The following ABCC6 variants were observed in gnomAD, a reference collection of about 807,000 sequenced individuals.
ABCC6 encodes the protein ATP-binding cassette sub-family C member 6.
ABCC6 carries 126 observed loss-of-function variants against 169.5 expected under a neutral mutation model. That is an observed-to-expected ratio of 0.74 (90% CI 0.64 to 0.86). The LOEUF (loss-of-function observed/expected upper bound fraction) is 0.86. Among genes scored for constraint, ABCC6 ranks in the 40% least tolerant of loss-of-function variants. The pLI is 0.00. For synonymous variants in ABCC6, 752 were observed against 814.7 expected, an observed-to-expected ratio of 0.92 and a Z score of 1.31; for missense variants, 1,733 against 1,927.2, an observed-to-expected ratio of 0.90 and a Z score of 1.89.
In ABCC6 at chr16:16,221,702, G is replaced by A; in HGVS notation, c.166C>T (p.His56Tyr). The A allele has an allele frequency of 6.2e-7, 1 of 1,613,896 alleles. No individual in the cohort carries two copies. The highest frequency in any genetic ancestry group is 8.5e-7 in the Non-Finnish European group (1 of 1,179,832). The change falls in exon 2 of 31, where the codon CAC becomes TAC. Residue 56 changes from histidine (H) to tyrosine (Y), a missense_variant. Transcript: ENST00000205557. ...VLGPIYLLFIHHHGRGYLRMS... is the reference protein window; with the variant it reads ...VLGPIYLLFIYHHGRGYLRMS... Reference sequence around the variant, plus strand: ...CGGAGGTAGCCCCGGCCATGGTGGTGGATGAAGAGGAGGTAGATGGGACCA... The same window carrying A: ...CGGAGGTAGCCCCGGCCATGGTGGTAGATGAAGAGGAGGTAGATGGGACCA...
At position 16,171,592 on chromosome 16, in the gene ABCC6, G is replaced by T. The variant is rs79291009; in HGVS notation, c.2787+1692C>A. Reference sequence around the variant, plus strand: ...TGGGTAGGTAGGTAGGTGTGTGAATGAGTGGATGAATGGATGGAAAGATCA... The same window carrying T: ...TGGGTAGGTAGGTAGGTGTGTGAATTAGTGGATGAATGGATGGAAAGATCA... On this transcript the variant is annotated intron_variant, in intron 21 of 30. Transcript: ENST00000205557. Among the ~76,000 whole-genome samples, 10 of 152,278 alleles carry T rather than the reference G, an allele frequency of 6.6e-5. No individual in the cohort carries two copies. In the East Asian group the frequency reaches 1.9e-3, roughly 29 times the overall value.
chr16:16,186,712 T>G (rs2047663642), intron 14 of ABCC6, among the ~76,000 whole-genome samples: 1 of 151,054 alleles, frequency 6.6e-6, no homozygotes, highest in Non-Finnish European at 1.5e-5. Context: ...AGTTGTATAA[T>G]TATTTCATTA....
chr16:16,206,997 A>G (rs1211471253), intron 7 of ABCC6, among the ~76,000 whole-genome samples: 2 of 152,202 alleles, frequency 1.3e-5, no homozygotes, highest in Non-Finnish European at 2.9e-5. Flanking sequence ...AAAATCAGCT[A>G]GATGTGGTGG....
intron 9 of ABCC6, among the ~76,000 whole-genome samples, chr16:16,198,691 A>G (rs2048135737): frequency 6.6e-6 from 1 of 150,876 alleles, no homozygotes; most frequent in South Asian, 2.1e-4. Context: ...TCTACAAAAT[A>G]CTTTAAAAAA....
chr16:16,178,328 A>G (rs1168817388), intron 18 of ABCC6, among the ~76,000 whole-genome samples: 1 of 151,094 alleles, frequency 6.6e-6, no homozygotes, highest in Admixed American at 6.6e-5. Flanking sequence ...CTCCATCTCA[A>G]AAAAAAAAGA....
At chr16:16,173,769 T>A (rs2047186095) in intron 20 of ABCC6, among the ~76,000 whole-genome samples, 1 of 150,960 alleles carries the variant, frequency 6.6e-6, no homozygotes, top group East Asian at 2.0e-4. Flanking sequence ...GCTCAAGCAA[T>A]CCACCTGCCT....
In ABCC6 at chr16:16,154,811, G is replaced by T; in HGVS notation, c.4042-17C>A. The T allele has an allele frequency of 6.2e-7, 1 of 1,609,080 alleles. No homozygotes were observed. Among genetic ancestry groups the T allele is most frequent in the South Asian group, 1.1e-5 (1 of 90,250 alleles). On this transcript the variant is annotated splice_polypyrimidine_tract_variant and intron_variant, in intron 28 of 30. Coordinates refer to ENST00000205557, the MANE Select transcript of ABCC6 (RefSeq NM_001171.6). ...GATGGGGTCCTGGCGGGGAGGGGCG[G>T]TGGGTCAGAGCCGGGTCCCACCATG...
At chr16:16,200,378 G>A (rs1009618119) in intron 9 of ABCC6, among the ~76,000 whole-genome samples, 9 of 150,464 alleles carry the variant, frequency 6.0e-5, no homozygotes, top group East Asian at 3.9e-4. Flanking sequence ...GTAGTGAGCC[G>A]GGACTGTGCC....
rs548522940 is a variant in ABCC6 at position 16,169,677 on chromosome 16, G to T, written c.2964C>A (p.Gly988=). The part of the protein sequence containing the change: ...GGQQTQAALR[G]GIFGLLGCLQ... The stretch of plus-strand genomic sequence containing the variant: ...GACAGCCGAGGAGCCCGAAGATCCC[G>T]CCACGCAGGGCTGCCTGCGTCTGCT... The change falls in exon 22 of 31, where the codon GGC becomes GGA. Residue 988 remains glycine (G), a synonymous_variant. Transcript: ENST00000205557. 6.1e-5 allele frequency: 98 copies of T among 1,611,136 alleles called. 2 individuals carry two copies. The South Asian group carries it at 1.0e-3, about 17-fold the overall frequency.
intron 29 of ABCC6, among the ~76,000 whole-genome samples, chr16:16,154,309 C>G (rs1348454872): frequency 6.6e-6 from 1 of 151,980 alleles, no homozygotes; most frequent in Non-Finnish European, 1.5e-5. Flanking sequence ...GGTGAGGTTA[C>G]CACCCGATAT....
At chr16:16,157,991 G>A (rs886342586) in intron 26 of ABCC6, among the ~76,000 whole-genome samples, 182 bp from the exon 27 acceptor site, 2 of 152,166 alleles carry the variant, frequency 1.3e-5, no homozygotes, top group Non-Finnish European at 2.9e-5. Flanking sequence ...AAAAACAGAT[G>A]GTGGTGGCTA....
chr16:16,209,698 G>A (rs934474008), intron 6 of ABCC6, among the ~76,000 whole-genome samples: 1 of 151,858 alleles, frequency 6.6e-6, no homozygotes. Flanking sequence ...CCGCCTCCCT[G>A]GCTCAAGCGA....
rs1596670914 is a variant in ABCC6, at chr16:16,187,345, C to G, written c.1780-134G>C. On this transcript the variant is annotated intron_variant, in intron 13 of 30. Coordinates refer to ENST00000205557, the MANE Select transcript of ABCC6 (RefSeq NM_001171.6). ...GTGCATAGGAGGCGTGAGGACAAAGCTTTCTAGTTCATGGGAAACGATGCA... is the reference window on the plus strand; with the variant it reads ...GTGCATAGGAGGCGTGAGGACAAAGGTTTCTAGTTCATGGGAAACGATGCA... 2.7e-5 allele frequency: 20 copies of G among 753,024 alleles called. No individual in the cohort carries two copies. In the East Asian group the frequency reaches 5.4e-4, roughly 20 times the overall value. The allele number at this position is 753,024 out of a possible 1,614,324, so 46.6% of individuals were successfully genotyped here.
At chr16:16,168,714 TGA>T (rs1185109635) in intron 22 of ABCC6, among the ~76,000 whole-genome samples, 1 of 151,992 alleles carries the variant, frequency 6.6e-6, no homozygotes, top group African/African-American at 2.4e-5. Flanking sequence ...TGCGAGAGAC[TGA>T]ACAGGGGATA....
rs199668617 is a variant in ABCC6 at position 16,154,732 on chromosome 16, G to A, written c.4104C>T (p.Asp1368=). 1.6e-4 allele frequency: 251 copies of A among 1,613,218 alleles called. 1 individual carries two copies. The highest frequency in any genetic ancestry group is 2.0e-4 in the Non-Finnish European group (233 of 1,179,686). ...MNLDLLQEHS[D]EAIWAALETV... is the part of the protein sequence containing the mutation. ...TCTCCAGGGCTGCCCAGATAGCCTC[G>A]TCCGAGTGCTCCTGCAGCAGGTCGA... The change falls in exon 29 of 31, where the codon GAC becomes GAT. Residue 1368 remains aspartate, a synonymous_variant. Transcript: ENST00000205557.
chr16:16,171,991 G>T (rs975846089), intron 21 of ABCC6, among the ~76,000 whole-genome samples: 12 of 143,724 alleles, frequency 8.3e-5, no homozygotes, highest in African/African-American at 3.1e-4. Flanking sequence ...ATAAGTGGAT[G>T]GGATGGATAA....
chr16:16,165,497 G>C, intron 23 of ABCC6, 126 bp downstream of exon 23: 1 of 984,598 alleles, frequency 1.0e-6, no homozygotes, highest in Non-Finnish European at 1.6e-6. Context: ...CTGTCCCTGG[G>C]AATTCTAGGA....
intron 25 of ABCC6, among the ~76,000 whole-genome samples, chr16:16,160,764 C>T (rs1022030657): frequency 3.6e-4 from 54 of 151,812 alleles, no homozygotes; most frequent in African/African-American, 1.3e-3. Flanking sequence ...AAGATCATGC[C>T]ACTGCACTCA....
At chr16:16,194,360 C>T (rs943468246) in intron 10 of ABCC6, among the ~76,000 whole-genome samples, 8 of 152,238 alleles carry the variant, frequency 5.3e-5, no homozygotes, top group Admixed American at 2.6e-4. Context: ...GTCTAAGTCT[C>T]GTGAAATATT....
Sources: allele counts gnomAD v4.1 joint callset (sites outside exome capture counted in the v4.1 genomes callset), GRCh38; gene constraint gnomAD v4.1.1; transcripts MANE v1.5; gene names NCBI Gene and HGNC (gene_info 2026-07-23, HGNC 2026-07-21).